Variants in VPS13B observed in about 807,000 individuals in gnomAD.
The protein encoded by VPS13B is intermembrane lipid transfer protein VPS13B.
VPS13B carries 285 observed loss-of-function variants against 426.4 expected under a neutral mutation model. The observed-to-expected ratio is 0.67, with a 90% CI of 0.61 to 0.74. The LOEUF is 0.74. Ranked by LOEUF, VPS13B falls within the 30% of genes least tolerant of loss-of-function variation. The probability of loss-of-function intolerance (pLI) is 0.00; values close to 1 mark genes in which losing one functional copy is unlikely to be tolerated. For synonymous variants in VPS13B, 1,676 were observed against 1,676.4 expected (o/e 1.00, Z 0.01); for missense variants, 4,537 against 4,782.6 (o/e 0.95, Z 1.51).
At position 99,527,075 on chromosome 8, in the gene VPS13B, T is replaced by TA. The variant is rs1822689612; in HGVS notation, c.4745+6070dup. ...AATGAATGTTAACAATTTTTAATGCTAAAAATCAAAACACTATGAAAGGTT... is the reference window on the plus strand; with the variant it reads ...AATGAATGTTAACAATTTTTAATGCTAAAAAATCAAAACACTATGAAAGGTT... On this transcript the variant is annotated intron_variant, in intron 30 of 61. Coordinates refer to ENST00000357162, the MANE Select transcript of VPS13B (RefSeq NM_152564.5). Among the ~76,000 whole-genome samples the TA allele has an allele frequency of 1.3e-5, 2 of 152,086 alleles. 1 individual carries two copies. Among genetic ancestry groups the TA allele is most frequent in the South Asian group, 4.2e-4 (2 of 4,818 alleles).
At chr8:99,270,427 C>T (rs1276767506) in intron 17 of VPS13B, among the ~76,000 whole-genome samples, 3 of 151,748 alleles carry the variant, frequency 2.0e-5, no homozygotes, top group Admixed American at 6.6e-5. Flanking sequence ...GCGTGAGCCA[C>T]CGCGCCTGGC....
chr8:99,121,239 T>C lies in VPS13B; in HGVS notation c.1000T>C (p.Tyr334His), dbSNP rs150464408. 5.6e-5 allele frequency: 91 copies of C among 1,614,016 alleles called. No individual in the cohort carries two copies. The highest frequency in any genetic ancestry group is 6.8e-5 in the Non-Finnish European group (80 of 1,180,006). The change falls in exon 8 of 62, where the codon TAT becomes CAT. Residue 334 changes from tyrosine (Y) to histidine (H), a missense_variant. Transcript: ENST00000357162. ...YPAQHKGQEL[Y>H]SQQDEEQPQG... Reference sequence around the variant, plus strand: ...TGCTCAGCATAAAGGTCAAGAGTTATATTCACAGCAAGATGAGGAGCAGCC... The same window carrying C: ...TGCTCAGCATAAAGGTCAAGAGTTACATTCACAGCAAGATGAGGAGCAGCC...
At chr8:99,792,167 T>TACA (rs1812570684) in intron 43 of VPS13B, among the ~76,000 whole-genome samples, 1 of 152,044 alleles carries the variant, frequency 6.6e-6, no homozygotes. Flanking sequence ...GCCTGTTAAC[T>TACA]ACAAACATCA....
intron 16 of VPS13B, among the ~76,000 whole-genome samples, chr8:99,189,945 C>G (rs1303195800): frequency 6.6e-6 from 1 of 152,078 alleles, no homozygotes; most frequent in East Asian, 1.9e-4. Context: ...CTACAAATGT[C>G]AGTTAGGCCA....
intron 35 of VPS13B, among the ~76,000 whole-genome samples, chr8:99,678,419 A>G (rs866551023): frequency 6.6e-6 from 1 of 152,038 alleles, no homozygotes; most frequent in South Asian, 2.1e-4. Context: ...TGCCCTTACT[A>G]GATTTGCCTC....
At chr8:99,496,459 G>A (rs1374362486) in intron 25 of VPS13B, among the ~76,000 whole-genome samples, 1 of 152,072 alleles carries the variant, frequency 6.6e-6, no homozygotes, top group Non-Finnish European at 1.5e-5. Flanking sequence ...AGACCATCCT[G>A]GCTAACACAG....
intron 19 of VPS13B, among the ~76,000 whole-genome samples, chr8:99,317,915 TA>T (rs1209710093): frequency 6.6e-6 from 1 of 152,148 alleles, no homozygotes; most frequent in African/African-American, 2.4e-5. Flanking sequence ...CACAAGCTAA[TA>T]GGGGATATCT....
At chr8:99,145,826 T>C (rs1810693295) in intron 13 of VPS13B, among the ~76,000 whole-genome samples, 1 of 152,248 alleles carries the variant, frequency 6.6e-6, no homozygotes, top group African/African-American at 2.4e-5. Flanking sequence ...GATAAATTGC[T>C]GGGTCATATG....
At chr8:99,303,730 C>CAAAAAAAAAA (rs58708195) in intron 19 of VPS13B, among the ~76,000 whole-genome samples, 703 of 63,552 alleles carry the variant, frequency 0.011, 105 homozygotes, top group African/African-American at 0.037. Flanking sequence ...GACTCCGTCT[C>CAAAAAAAAAA]AAAAAAAAAA....
chr8:99,473,664 A>G (rs1819531246), intron 24 of VPS13B, among the ~76,000 whole-genome samples: 1 of 152,174 alleles, frequency 6.6e-6, no homozygotes, highest in African/African-American at 2.4e-5. Context: ...CCTAACCATT[A>G]CAATAAACCA....
intron 19 of VPS13B, among the ~76,000 whole-genome samples, chr8:99,280,336 C>T (rs915633189): frequency 7.9e-5 from 12 of 152,138 alleles, no homozygotes; most frequent in African/African-American, 2.9e-4. Context: ...CCTCCCAAGC[C>T]ACTCAATTTA....
chr8:99,409,779 A>G (rs970674430), intron 21 of VPS13B, among the ~76,000 whole-genome samples: 1 of 152,188 alleles, frequency 6.6e-6, no homozygotes, highest in Non-Finnish European at 1.5e-5. Context: ...TCAACTTACA[A>G]TTCTTGTATC....
At chr8:99,128,001 A>T (rs763820391) in intron 8 of VPS13B, among the ~76,000 whole-genome samples, 6 of 152,130 alleles carry the variant, frequency 3.9e-5, no homozygotes, top group Non-Finnish European at 7.4e-5. Flanking sequence ...TCACATAGAT[A>T]TTTATTTGGA....
chr8:99,637,120 T>C (rs1829103127), intron 33 of VPS13B, among the ~76,000 whole-genome samples: 1 of 152,042 alleles, frequency 6.6e-6, no homozygotes, highest in African/African-American at 2.4e-5. Context: ...AAAGCACAAG[T>C]TACTTTCAGA....
At chr8:99,152,481 T>C (rs1811126184) in intron 14 of VPS13B, among the ~76,000 whole-genome samples, 2 of 152,200 alleles carry the variant, frequency 1.3e-5, no homozygotes, top group Admixed American at 6.5e-5. Flanking sequence ...TGTTGCTGTA[T>C]GAAGCAGTCC....
intron 2 of VPS13B, among the ~76,000 whole-genome samples, chr8:99,031,445 T>C (rs1842502591): frequency 1.3e-5 from 2 of 152,196 alleles, no homozygotes; most frequent in South Asian, 4.1e-4. Context: ...TCCTTTGAGG[T>C]GTCATGTTTC....
chr8:99,334,804 T>TTTTGCATCAA lies in VPS13B; in HGVS notation c.2825-49403_2825-49402insTTGCATCAAT, dbSNP rs1588262418. On this transcript the variant is annotated intron_variant, in intron 19 of 61. Coordinates refer to ENST00000357162, the MANE Select transcript of VPS13B (RefSeq NM_152564.5). The stretch of plus-strand genomic sequence containing the variant: ...TTTGCATCAATGTTCATCAAGGATA[T>TTTTGCATCAA]TGGTCTAAAATTCTCTTTTTTGGTT... 2.6e-5 allele frequency among the ~76,000 whole-genome samples: 4 copies of TTTTGCATCAA among 152,280 alleles called. No homozygotes were observed. In the East Asian group the frequency reaches 5.8e-4, roughly 22 times the overall value.
intron 32 of VPS13B, among the ~76,000 whole-genome samples, chr8:99,576,621 G>T (rs1825787818): frequency 6.6e-6 from 1 of 152,126 alleles, no homozygotes; most frequent in African/African-American, 2.4e-5. Context: ...TCCTCTGGAT[G>T]ATACTATAAG....
In VPS13B at chr8:99,165,272, A is replaced by T. The variant is rs182706077; in HGVS notation, c.2209-4767A>T. Reference sequence around the variant, plus strand: ...CTTCATGTTGTACAATAGATCTTTTAAATTTATTTCTCCTATCTAATTGAA... The same window carrying T: ...CTTCATGTTGTACAATAGATCTTTTTAATTTATTTCTCCTATCTAATTGAA... On this transcript the variant is annotated intron_variant, in intron 15 of 61. Coordinates refer to ENST00000357162, the MANE Select transcript of VPS13B (RefSeq NM_152564.5). Among the ~76,000 whole-genome samples, 7 of 152,306 alleles carry T rather than the reference A, an allele frequency of 4.6e-5. No homozygotes were observed. In the East Asian group the frequency reaches 1.2e-3, roughly 25 times the overall value.
Sources: allele counts gnomAD v4.1 joint callset (sites outside exome capture counted in the v4.1 genomes callset), GRCh38; gene constraint gnomAD v4.1.1; transcripts MANE v1.5; gene names NCBI Gene and HGNC (gene_info 2026-07-23, HGNC 2026-07-21).